Variants in CSMD1 observed in about 807,000 individuals in gnomAD.
CSMD1 encodes CUB and sushi domain-containing protein 1.
CSMD1 carries 213 observed loss-of-function variants against 417.5 expected under a neutral mutation model. That is an observed-to-expected ratio of 0.51 (90% CI 0.46 to 0.57). CSMD1 has a LOEUF of 0.57. Among genes scored for constraint, CSMD1 ranks in the 20% least tolerant of loss-of-function variants. CSMD1 has a pLI of 0.00. For missense variants in CSMD1, 6,923 were observed against 4,529.7 expected (o/e 1.53, Z -15.17); for synonymous variants, 2,862 against 1,736.8 (o/e 1.65, Z -16.11).
intron 3 of CSMD1, among the ~76,000 whole-genome samples, chr8:4,398,529 G>C (rs538179908): frequency 6.6e-6 from 1 of 151,704 alleles, no homozygotes; most frequent in Non-Finnish European, 1.5e-5. Flanking sequence ...GAGTAGGTGG[G>C]ACTACAGGCG....
chr8:3,265,223 C>T (rs567180680), intron 26 of CSMD1, among the ~76,000 whole-genome samples: 6 of 152,042 alleles, frequency 3.9e-5, no homozygotes, highest in African/African-American at 9.6e-5. Context: ...AGACACATAA[C>T]GAAGAAATAA....
At position 3,151,484 on chromosome 8, in the gene CSMD1, C is replaced by G; in HGVS notation, c.5944G>C (p.Gly1982Arg). 6.2e-7 allele frequency: 1 copy of G among 1,613,408 alleles called. No homozygotes were observed. Among genetic ancestry groups the G allele is most frequent in the Non-Finnish European group, 8.5e-7 (1 of 1,179,696 alleles). The change falls in exon 40 of 70, where the codon GGT becomes CGT. Residue 1982 changes from glycine (G) to arginine (R), a missense_variant. Transcript: ENST00000635120. The part of the protein sequence containing the change: ...ATCGGTLSTL[G>R]GVILSPGFPG... ...AAGCCGGGGCTCAGGATCACACCACCCAAGGTGCTCAGCGTCCCTCCACAG... is the reference window on the plus strand; with the variant it reads ...AAGCCGGGGCTCAGGATCACACCACGCAAGGTGCTCAGCGTCCCTCCACAG...
rs915604008 is a variant in CSMD1 at position 2,938,236 on chromosome 8, C to G, written c.*349G>C. 4.8e-6 allele frequency: 1 copy of G among 208,202 alleles called. No homozygotes were observed. Among genetic ancestry groups the G allele is most frequent in the African/African-American group, 2.3e-5 (1 of 43,602 alleles). The allele number at this position is 208,202 out of a possible 1,614,324, so 12.9% of individuals were successfully genotyped here. A position where few individuals can be genotyped will look rare whatever the true frequency, so the allele number is the denominator to read the frequency against. ...TGAGGGACATATCCACGAGCCCAGACGATTGCATTGAAAGGCATCTCAGCA... is the reference window on the plus strand; with the variant it reads ...TGAGGGACATATCCACGAGCCCAGAGGATTGCATTGAAAGGCATCTCAGCA... On this transcript the variant is annotated 3_prime_UTR_variant, in exon 70 of 70. Transcript: ENST00000635120.
chr8:3,199,937 A>G, intron 32 of CSMD1, 128 bp from the exon 33 acceptor site: 2 of 600,454 alleles, frequency 3.3e-6, no homozygotes, highest in Non-Finnish European at 5.9e-6. Flanking sequence ...TTTTCACTTT[A>G]TGGTTTAAAA....
chr8:4,379,325 G>C (rs1331241461), intron 3 of CSMD1, among the ~76,000 whole-genome samples: 6 of 152,180 alleles, frequency 3.9e-5, no homozygotes, highest in African/African-American at 1.2e-4. Flanking sequence ...AGACTAATTA[G>C]CTGTCACAAA....
In CSMD1 at chr8:4,327,725, A is replaced by G. The variant is rs552297477; in HGVS notation, c.415+92228T>C. On this transcript the variant is annotated intron_variant, in intron 3 of 69. Transcript: ENST00000635120. ...TATTAGAAGTTTAAAATGAATAACA[A>G]GAGACCTACTGTCCGAAAACATTGT... Among the ~76,000 whole-genome samples, 3 of 152,370 alleles carry G rather than the reference A, an allele frequency of 2.0e-5. No homozygotes were observed. The East Asian group carries it at 5.8e-4, about 29-fold the overall frequency.
At chr8:3,060,160 T>C (rs530983596) in intron 49 of CSMD1, among the ~76,000 whole-genome samples, 1 of 151,826 alleles carries the variant, frequency 6.6e-6, no homozygotes, top group Admixed American at 6.6e-5. Context: ...ACTTTTTTTT[T>C]TTTTTTTCTG....
intron 3 of CSMD1, among the ~76,000 whole-genome samples, chr8:4,364,180 T>G (rs1172845066): frequency 1.3e-5 from 2 of 152,116 alleles, no homozygotes; most frequent in Admixed American, 6.6e-5. Flanking sequence ...ACCTACTAAA[T>G]GCCCACAAAA....
At chr8:4,133,300 G>C (rs866881754) in intron 3 of CSMD1, among the ~76,000 whole-genome samples, 1 of 152,132 alleles carries the variant, frequency 6.6e-6, no homozygotes, top group Non-Finnish European at 1.5e-5. Context: ...AAAAGTCTAA[G>C]TTTATACTGG....
At chr8:4,393,815 C>G (rs1203731368) in intron 3 of CSMD1, among the ~76,000 whole-genome samples, 1 of 152,174 alleles carries the variant, frequency 6.6e-6, no homozygotes, top group African/African-American at 2.4e-5. Context: ...CCATATTTTC[C>G]TATGTTTCTG....
intron 1 of CSMD1, among the ~76,000 whole-genome samples, chr8:4,694,708 C>G (rs1381756977): frequency 6.6e-6 from 1 of 152,132 alleles, no homozygotes; most frequent in African/African-American, 2.4e-5. Context: ...TGTTTCCCTA[C>G]AATGTGTAAC....
At chr8:4,652,677 C>T (rs1024233397) in intron 1 of CSMD1, among the ~76,000 whole-genome samples, 2 of 152,008 alleles carry the variant, frequency 1.3e-5, no homozygotes, top group African/African-American at 2.4e-5. Flanking sequence ...GACAGATTCG[C>T]CACAGCTTCA....
At chr8:4,474,883 C>T (rs886910135) in intron 2 of CSMD1, among the ~76,000 whole-genome samples, 2 of 152,298 alleles carry the variant, frequency 1.3e-5, no homozygotes, top group Admixed American at 6.5e-5. Flanking sequence ...ATTATTTTCT[C>T]TAGCTTACTT....
At chr8:4,407,184 C>T (rs959354163) in intron 3 of CSMD1, among the ~76,000 whole-genome samples, 2 of 152,134 alleles carry the variant, frequency 1.3e-5, no homozygotes, top group Admixed American at 6.6e-5. Flanking sequence ...AAGAAGTTTG[C>T]CAGTCCTCTT....
intron 3 of CSMD1, among the ~76,000 whole-genome samples, chr8:4,117,299 G>T (rs1166477907): frequency 1.3e-5 from 2 of 151,364 alleles, no homozygotes; most frequent in Non-Finnish European, 2.9e-5. Context: ...GTGGCTGGCT[G>T]GTGGGATCCT....
At chr8:4,568,653 G>A (rs1167013738) in intron 2 of CSMD1, among the ~76,000 whole-genome samples, 3 of 152,126 alleles carry the variant, frequency 2.0e-5, no homozygotes, top group Non-Finnish European at 2.9e-5. Flanking sequence ...GGATTGCTGG[G>A]TCAAATGGTA....
intron 12 of CSMD1, among the ~76,000 whole-genome samples, chr8:3,458,068 C>T (rs561366386): frequency 5.9e-5 from 9 of 152,294 alleles, no homozygotes; most frequent in Non-Finnish European, 1.3e-4. Flanking sequence ...GATTGGAGAA[C>T]GTCTCCCAGG....
intron 25 of CSMD1, among the ~76,000 whole-genome samples, chr8:3,303,442 G>T (rs1389055474): frequency 1.3e-5 from 2 of 152,206 alleles, no homozygotes; most frequent in East Asian, 3.8e-4. Context: ...TTTTCTAAAA[G>T]TCTGCATAGG....
chr8:3,496,891 T>C (rs1368503213), intron 10 of CSMD1, among the ~76,000 whole-genome samples: 3 of 152,224 alleles, frequency 2.0e-5, no homozygotes, highest in Non-Finnish European at 4.4e-5. Flanking sequence ...GGCCTATTTC[T>C]TCATAGACCC....
Sources: allele counts gnomAD v4.1 joint callset (sites outside exome capture counted in the v4.1 genomes callset), GRCh38; gene constraint gnomAD v4.1.1; transcripts MANE v1.5; gene names NCBI Gene and HGNC (gene_info 2026-07-23, HGNC 2026-07-21).